GMEB1: variants seen among roughly 807,000 people sequenced by gnomAD.
GMEB1 encodes the protein glucocorticoid modulatory element binding protein 1, also known as glucocorticoid modulatory element-binding protein 1.
In GMEB1, 6 loss-of-function variants were observed where a neutral mutation model predicts 52.4. The observed-to-expected ratio is 0.11, with a 90% confidence interval of 0.06 to 0.23. GMEB1 has a LOEUF of 0.23. Ranked by LOEUF, GMEB1 falls within the 10% of genes least tolerant of loss-of-function variation. The probability of loss-of-function intolerance (pLI) is 1.00; values close to 1 mark genes in which losing one functional copy is unlikely to be tolerated. For missense variants in GMEB1, 486 were observed against 685.6 expected (o/e 0.71, Z 3.25); for synonymous variants, 255 against 244.9 (o/e 1.04, Z -0.38).
chr1:28,698,700 T>G (rs1670350631), intron 6 of GMEB1, among the ~76,000 whole-genome samples: 1 of 148,642 alleles, frequency 6.7e-6, no homozygotes, highest in African/African-American at 2.5e-5. Context: ...GAAAAATGCT[T>G]TGCAGCTGTG....
At chr1:28,671,245 T>C (rs1351399277) in intron 1 of GMEB1, among the ~76,000 whole-genome samples, 1 of 152,152 alleles carries the variant, frequency 6.6e-6, no homozygotes, top group Admixed American at 6.5e-5. Context: ...TAAACAAAAC[T>C]GTAGTTTAGA....
At chr1:28,693,305 G>A (rs1670048063) in intron 5 of GMEB1, among the ~76,000 whole-genome samples, 1 of 150,872 alleles carries the variant, frequency 6.6e-6, no homozygotes, top group Non-Finnish European at 1.5e-5. Flanking sequence ...TGCAACCTCC[G>A]CCTCCCGGGT....
At chr1:28,674,708 C>CTTTTT (rs34267851) in intron 1 of GMEB1, among the ~76,000 whole-genome samples, 9 of 49,122 alleles carry the variant, frequency 1.8e-4, no homozygotes, top group Admixed American at 3.1e-4. Flanking sequence ...ATAGTTAATT[C>CTTTTT]TTTTTTTTTT....
At chr1:28,668,609 G>A (rs895141767), upstream of GMEB1, 1 of 152,794 alleles carries the variant, frequency 6.5e-6, no homozygotes, top group Admixed American at 6.6e-5. Flanking sequence ...TTTCAAGGGC[G>A]AAAGAATTCT....
Position 28,699,515 on chromosome 1 carries a change from C to T in GMEB1, c.598+2431C>T, listed in dbSNP as rs138438339. Among the ~76,000 whole-genome samples, 143 of 152,088 alleles carry T rather than the reference C, an allele frequency of 9.4e-4. 2 individuals are homozygous for T. In the East Asian group the frequency reaches 0.02, roughly 22 times the overall value. ...TGCAATCTTGGCTCACTGCAACCTC[C>T]CCCTCCCGGGTTCAAGCAATTCTCC... On this transcript the variant is annotated intron_variant, in intron 6 of 9. Coordinates refer to ENST00000373816, the MANE Select transcript of GMEB1 (RefSeq NM_001319674.2).
intron 6 of GMEB1, among the ~76,000 whole-genome samples, chr1:28,697,760 G>T (rs1670292602): frequency 6.6e-6 from 1 of 151,958 alleles, no homozygotes; most frequent in African/African-American, 2.4e-5. Flanking sequence ...GAATTAGGCT[G>T]TTTTGAAAAA....
At position 28,687,077 on chromosome 1, in the gene GMEB1, T is replaced by C. The variant is rs1278714540; in HGVS notation, c.129-3027T>C. 5.3e-5 allele frequency among the ~76,000 whole-genome samples: 8 copies of C among 151,916 alleles called. No individual in the cohort carries two copies. In the South Asian group the frequency reaches 1.7e-3, roughly 31 times the overall value. On this transcript the variant is annotated intron_variant, in intron 2 of 9. Coordinates refer to ENST00000373816, the MANE Select transcript of GMEB1 (RefSeq NM_001319674.2). ...GGAGATTGGTGCAGTGGATCATGCT[T>C]GTAATCCCAGCATTTTGGGAGGCAG...
chr1:28,683,777 T>C (rs762553222), intron 2 of GMEB1, 37 bp downstream of exon 2: 8 of 1,605,904 alleles, frequency 5.0e-6, no homozygotes, highest in Non-Finnish European at 6.8e-6. Context: ...TGAAGTATTT[T>C]GGGAAGCTTC....
Position 28,714,926 on chromosome 1 carries a change from C to T in GMEB1, c.*153C>T, listed in dbSNP as rs1671224229. On this transcript the variant is annotated 3_prime_UTR_variant, in exon 10 of 10. Transcript: ENST00000373816. ...TGTAACTGAAAATGTTGGGTTCTTC[C>T]CACTCCCTCATTGAAAAATGGACAA... is the stretch of plus-strand genomic sequence containing the variant. 13 of 623,100 alleles carry T rather than the reference C, an allele frequency of 2.1e-5. No homozygotes were observed. Among genetic ancestry groups the T allele is most frequent in the East Asian group, 5.6e-5 (2 of 36,000 alleles). The allele number at this position is 623,100 out of a possible 1,614,324, so 38.6% of individuals were successfully genotyped here. A position where few individuals can be genotyped will look rare whatever the true frequency, so the allele number is the denominator to read the frequency against.
chr1:28,676,461 C>T (rs1446722371), intron 1 of GMEB1, among the ~76,000 whole-genome samples: 1 of 152,184 alleles, frequency 6.6e-6, no homozygotes, highest in Non-Finnish European at 1.5e-5. Flanking sequence ...GGCGTGGTGG[C>T]TCACGCCTGT....
chr1:28,672,602 T>A (rs1326026967), intron 1 of GMEB1, among the ~76,000 whole-genome samples: 3 of 152,082 alleles, frequency 2.0e-5, no homozygotes, highest in Non-Finnish European at 4.4e-5. Context: ...AGGGTACATG[T>A]GCACAACGTG....
At chr1:28,669,301 G>A (rs1183202344) in intron 1 of GMEB1, among the ~76,000 whole-genome samples, 1 of 151,948 alleles carries the variant, frequency 6.6e-6, no homozygotes, top group Non-Finnish European at 1.5e-5. Flanking sequence ...TATCCCCAAA[G>A]GCGGGGTCCG....
chr1:28,713,842 C>T (rs749335769), intron 9 of GMEB1, among the ~76,000 whole-genome samples: 4 of 152,146 alleles, frequency 2.6e-5, no homozygotes, highest in Admixed American at 2.6e-4. Context: ...GCCAGAAGTT[C>T]GAGGCTATAG....
chr1:28,694,674 G>GTTT (rs963376728), intron 5 of GMEB1, among the ~76,000 whole-genome samples: 1 of 144,770 alleles, frequency 6.9e-6, no homozygotes, highest in Non-Finnish European at 1.5e-5. Context: ...CTTAACATAG[G>GTTT]TTTTTTTTTT....
At chr1:28,674,774 A>G (rs1457156427) in intron 1 of GMEB1, among the ~76,000 whole-genome samples, 2 of 114,526 alleles carry the variant, frequency 1.7e-5, no homozygotes, top group African/African-American at 6.9e-5. Context: ...GCTGGAGTGC[A>G]GTGGCGGGAT....
chr1:28,683,032 G>C (rs1429351687), intron 1 of GMEB1, among the ~76,000 whole-genome samples: 1 of 152,100 alleles, frequency 6.6e-6, no homozygotes, highest in Non-Finnish European at 1.5e-5. Flanking sequence ...GCTTGCTGCA[G>C]AACACCATGG....
chr1:28,673,798 G>C (rs991574932), intron 1 of GMEB1, among the ~76,000 whole-genome samples: 6 of 152,044 alleles, frequency 3.9e-5, no homozygotes, highest in Admixed American at 2.0e-4. Context: ...AGGATTGCTT[G>C]AGCCCAGGAG....
chr1:28,682,397 A>C (rs1346814115), intron 1 of GMEB1, among the ~76,000 whole-genome samples: 1 of 151,964 alleles, frequency 6.6e-6, no homozygotes, highest in Non-Finnish European at 1.5e-5. Context: ...AGACGGGTGG[A>C]TCATTTGAGG....
chr1:28,708,816 T>G (rs1422084824), intron 8 of GMEB1, among the ~76,000 whole-genome samples: 1 of 151,194 alleles, frequency 6.6e-6, no homozygotes. Context: ...GGCAACATGG[T>G]GAAATCCCGT....
Sources: allele counts gnomAD v4.1 joint callset (sites outside exome capture counted in the v4.1 genomes callset), GRCh38; gene constraint gnomAD v4.1.1; transcripts MANE v1.5; gene names NCBI Gene and HGNC (gene_info 2026-07-23, HGNC 2026-07-21).